RPS3: variants seen among roughly 807,000 people sequenced by gnomAD.
The protein encoded by RPS3 is small ribosomal subunit protein uS3.
Under a neutral mutation model 25.8 loss-of-function variants are expected in RPS3, and 2 were observed. The observed-to-expected ratio is 0.08, with a 90% CI of 0.03 to 0.24. The LOEUF (loss-of-function observed/expected upper bound fraction) is 0.24, where lower values mean the gene tolerates loss of function less well. Among genes scored for constraint, RPS3 ranks in the 10% least tolerant of loss-of-function variants. The pLI, the probability that RPS3 is intolerant of heterozygous loss-of-function variation, is 1.00. For synonymous variants in RPS3, 114 were observed against 114.2 expected, an observed-to-expected ratio of 1.00 and a Z score of 0.01; for missense variants, 107 against 307.1, an observed-to-expected ratio of 0.35 and a Z score of 4.87.
chr11:75,406,926 G>A (rs1313145089), downstream of RPS3: 1 of 152,166 alleles, frequency 6.6e-6, no homozygotes, highest in East Asian at 1.9e-4. Context: ...ATGTGCCTAG[G>A]TTATCTTAGG....
intron 6 of RPS3, among the ~76,000 whole-genome samples, chr11:75,412,846 A>T (rs1475323335): frequency 2.0e-5 from 3 of 151,634 alleles, no homozygotes; most frequent in Non-Finnish European, 4.4e-5. Context: ...GCGTGATCTC[A>T]GCTCACTGCA....
chr11:75,410,027 G>A (rs1303988876), downstream of RPS3, among the ~76,000 whole-genome samples: 46 of 137,236 alleles, frequency 3.4e-4, no homozygotes, highest in Admixed American at 2.3e-3. Flanking sequence ...GGGCAGAGGC[G>A]CCCCTCACCT....
At chr11:75,414,589 C>T (rs1014484368) in intron 6 of RPS3, among the ~76,000 whole-genome samples, 1 of 147,696 alleles carries the variant, frequency 6.8e-6, no homozygotes, top group Non-Finnish European at 1.5e-5. Flanking sequence ...CCAGCCTGGG[C>T]GACAGAGCGA....
chr11:75,403,934 A>G (rs1715503936), intron 4 of RPS3, 86 bp from the exon 5 acceptor site: 3 of 1,328,260 alleles, frequency 2.3e-6, no homozygotes, highest in Non-Finnish European at 3.1e-6. Context: ...TTAAAGGAAC[A>G]TTGAAAACCA....
At chr11:75,408,514 A>T (rs1430625247), downstream of RPS3, among the ~76,000 whole-genome samples, 1 of 151,770 alleles carries the variant, frequency 6.6e-6, no homozygotes, top group Non-Finnish European at 1.5e-5. Flanking sequence ...CCTCCCTTGT[A>T]TCTAAGAAGA....
intron 6 of RPS3, among the ~76,000 whole-genome samples, chr11:75,419,375 G>A (rs540441430): frequency 3.9e-5 from 6 of 152,076 alleles, no homozygotes; most frequent in Admixed American, 1.3e-4. Context: ...CCAACATGGT[G>A]AAACCCTGTC....
intron 6 of RPS3, among the ~76,000 whole-genome samples, chr11:75,415,805 CA>C (rs575409808): frequency 0.024 from 1,497 of 62,080 alleles, 19 homozygotes; most frequent in South Asian, 0.15. Context: ...GACTCCATCT[CA>C]AAAAAAAAAA....
rs542696448 is a variant in RPS3, at chr11:75,421,528, A to G, written c.*4-199A>G. ...TACCCAGCAGTTTGTTGCTGCCCCT[A>G]GAGCCCCAGGCTTATAATGACATCA... On this transcript the variant is annotated intron_variant, in intron 6 of 6. Coordinates refer to the RPS3 transcript ENST00000527446. 3.3e-5 allele frequency among the ~76,000 whole-genome samples: 5 copies of G among 152,226 alleles called. No individual in the cohort carries two copies. The East Asian group carries it at 9.7e-4, about 29-fold the overall frequency.
chr11:75,421,441 C>T (rs1948444561), intron 6 of RPS3, among the ~76,000 whole-genome samples: 1 of 152,194 alleles, frequency 6.6e-6, no homozygotes, highest in African/African-American at 2.4e-5. Context: ...CACAGAGCCT[C>T]GCAGAATCTG....
intron 6 of RPS3, among the ~76,000 whole-genome samples, chr11:75,416,686 A>G (rs1029882029): frequency 2.0e-5 from 3 of 151,936 alleles, no homozygotes; most frequent in African/African-American, 7.3e-5. Context: ...TTGAACTCCC[A>G]ACGTGTGGTG....
downstream of RPS3, among the ~76,000 whole-genome samples, chr11:75,409,024 A>T (rs1948316468): frequency 6.6e-6 from 1 of 152,100 alleles, no homozygotes; most frequent in Non-Finnish European, 1.5e-5. Flanking sequence ...TCTATTGCCC[A>T]GGCTGGAATG....
rs10604801 is a variant in RPS3 at position 75,412,795 on chromosome 11, GAC to G, written c.*3+7931_*3+7932del. ...TATTTTTATTTTATTTATTTTTTCT[GAC>G]ACAGAGTCTCGCTCTATCGCCCAGG... On this transcript the variant is annotated intron_variant, in intron 6 of 6. Transcript: ENST00000527446. Among the ~76,000 whole-genome samples, 893 of 152,284 alleles carry G rather than the reference GAC, an allele frequency of 5.9e-3. 11 individuals are homozygous for G. Among genetic ancestry groups the G allele is most frequent in the African/African-American group, 0.02 (828 of 41,560 alleles).
intron 4 of RPS3, 178 bp from the exon 5 acceptor site, chr11:75,403,842 A>G: frequency 1.7e-6 from 1 of 580,202 alleles, no homozygotes; most frequent in Admixed American, 3.3e-5. Context: ...ATACTTGATG[A>G]ATATTACCCT....
Position 75,405,812 on chromosome 11 carries a change from A to C in RPS3, c.*202A>C, listed in dbSNP as rs1377643862. 3 of 296,822 alleles carry C rather than the reference A, an allele frequency of 1.0e-5. No homozygotes were observed. In the East Asian group the frequency reaches 2.7e-4, roughly 27 times the overall value. 18.4% of individuals were successfully genotyped at this position (296,822 alleles called of 1,614,324 possible). Reference sequence around the variant, plus strand: ...GCAAGGGCCAGAACAGTAAGACCCAAGCAGAGCCAACCAGAGAAATAATAT... The same window carrying C: ...GCAAGGGCCAGAACAGTAAGACCCACGCAGAGCCAACCAGAGAAATAATAT... On this transcript the variant is annotated 3_prime_UTR_variant, in exon 7 of 7. Transcript: ENST00000531188.
Position 75,404,650 on chromosome 11 carries a change from T to G in RPS3, c.539-22T>G. On this transcript the variant is annotated intron_variant, in intron 5 of 6. Coordinates refer to ENST00000531188, the MANE Select transcript of RPS3 (RefSeq NM_001005.5). The surrounding 1 kb of genome is among the most constrained non-coding windows in gnomAD (Gnocchi z 4.6). ...GGCCTTTGAGACCCCAGCTGTGTGC[T>G]AACAACTGTGGTGTCCTCTAGGTGT... 2 of 1,598,466 alleles carry G rather than the reference T, an allele frequency of 1.3e-6. No individual in the cohort carries two copies. The highest frequency in any genetic ancestry group is 1.7e-5 in the Admixed American group (1 of 59,362).
chr11:75,410,159 C>G (rs1312303989), downstream of RPS3, among the ~76,000 whole-genome samples: 5 of 150,108 alleles, frequency 3.3e-5, no homozygotes, highest in African/African-American at 7.4e-5. Context: ...GCTGGCCGGG[C>G]GGGGGGCTGA....
At chr11:75,415,902 G>C (rs1162308962) in intron 6 of RPS3, among the ~76,000 whole-genome samples, 6 of 148,518 alleles carry the variant, frequency 4.0e-5, no homozygotes, top group Non-Finnish European at 1.5e-5. Flanking sequence ...CTTGAACCCA[G>C]AAGGCGGAGG....
At chr11:75,400,903 G>A in intron 2 of RPS3, 79 bp downstream of exon 2, 2 of 1,486,432 alleles carry the variant, frequency 1.3e-6, no homozygotes. Flanking sequence ...ATTTTTTTGA[G>A]ACGGAGTCTT....
intron 6 of RPS3, among the ~76,000 whole-genome samples, chr11:75,416,303 CCCAT>C (rs1948397894): frequency 6.6e-6 from 1 of 152,118 alleles, no homozygotes. Flanking sequence ...TTGGATTCTC[CCCAT>C]CCCAACTGTA....
Sources: gnomAD v4.1 joint callset for allele counts (sites outside exome capture counted in the v4.1 genomes callset) on GRCh38, gnomAD v4.1.1 for gene constraint, Gnocchi (gnomAD v3.1) non-coding constraint, MANE v1.5 for transcripts, NCBI Gene and HGNC (gene_info 2026-07-23, HGNC 2026-07-21) for gene names.